Variants in CCDC33 observed in about 807,000 individuals in gnomAD.
CCDC33 encodes the protein coiled-coil domain containing 33, also known as coiled-coil domain-containing protein 33.
In CCDC33, 94 loss-of-function variants were observed where a neutral mutation model predicts 91.9. That is an observed-to-expected ratio of 1.02 (90% CI 0.87 to 1.21). The LOEUF is 1.21. CCDC33 is among the 50% of genes most tolerant of loss of function. CCDC33 has a pLI of 0.00. For missense variants in CCDC33, 940 were observed against 935.5 expected (o/e 1.00, Z -0.06); for synonymous variants, 396 against 374.5 (o/e 1.06, Z -0.66).
Position 74,244,157 on chromosome 15 carries a change from C to T in CCDC33, c.185+9C>T. The T allele has an allele frequency of 6.2e-7, 1 of 1,604,028 alleles. No individual in the cohort carries two copies. Among genetic ancestry groups the T allele is most frequent in the South Asian group, 1.1e-5 (1 of 90,230 alleles). On this transcript the variant is annotated intron_variant, in intron 2 of 18. Transcript: ENST00000398814. The surrounding 1 kb of genome is among the most constrained non-coding windows in gnomAD (Gnocchi z 4.2). ...TGGCCCTATGTGGTGGTGTAAGTAG[C>T]TGCGTGAGAGTGGGGGCAGGGGATG...
At chr15:74,282,449 G>T (rs2059388285) in intron 10 of CCDC33, among the ~76,000 whole-genome samples, 1 of 152,180 alleles carries the variant, frequency 6.6e-6, no homozygotes, top group African/African-American at 2.4e-5. Flanking sequence ...TCTTAAGCCA[G>T]CAGGCATGTC....
chr15:74,298,750 G>T (rs867892759), intron 11 of CCDC33, among the ~76,000 whole-genome samples: 21 of 112,070 alleles, frequency 1.9e-4, no homozygotes, highest in Middle Eastern at 0.01. Context: ...GTCTCACTCT[G>T]TCACCAGCCT....
In CCDC33 at chr15:74,256,393, T is replaced by C. The variant is rs964774750; in HGVS notation, c.186-6047T>C. ...CGACTTTATGTCTGGCCCACGTTCC[T>C]CCTGCCCTAAGGCTGCGTACGGGAG... On this transcript the variant is annotated intron_variant, in intron 2 of 18. Coordinates refer to ENST00000398814, the MANE Select transcript of CCDC33 (RefSeq NM_025055.5). Among the ~76,000 whole-genome samples, 17 of 149,912 alleles carry C rather than the reference T, an allele frequency of 1.1e-4. No individual in the cohort carries two copies. The East Asian group carries it at 2.2e-3, about 19-fold the overall frequency.
At chr15:74,217,452 G>T in exon 1 of CCDC33, 2 of 1,289,846 alleles carry the variant, frequency 1.6e-6, no homozygotes, top group Non-Finnish European at 2.0e-6. Context: ...TGGGGCTGGG[G>T]TGCAGTTGCA....
intron 11 of CCDC33, among the ~76,000 whole-genome samples, chr15:74,310,792 T>G (rs1596089672): frequency 1.3e-5 from 2 of 148,838 alleles, no homozygotes; most frequent in South Asian, 2.2e-4. Flanking sequence ...ATGGGGAGAG[T>G]GAGGTGTGAG....
intron 2 of CCDC33, among the ~76,000 whole-genome samples, chr15:74,261,730 A>C (rs1486213092): frequency 6.6e-6 from 1 of 152,118 alleles, no homozygotes; most frequent in Non-Finnish European, 1.5e-5. Flanking sequence ...GTGCACTGGG[A>C]TGCAGAGGGC....
chr15:74,262,280 G>C (rs571281386), intron 2 of CCDC33, among the ~76,000 whole-genome samples, 160 bp from the exon 3 acceptor site: 2 of 152,240 alleles, frequency 1.3e-5, no homozygotes, highest in South Asian at 4.1e-4. Flanking sequence ...CAGGAGAGCT[G>C]GGGGAGAGGC....
chr15:74,272,617 T>C (rs989984615), intron 6 of CCDC33, among the ~76,000 whole-genome samples, 154 bp from the exon 7 acceptor site: 3 of 152,248 alleles, frequency 2.0e-5, no homozygotes, highest in Non-Finnish European at 2.9e-5. Context: ...CCCAGCCCAG[T>C]GGTCCCCACT....
chr15:74,330,769 G>A lies in CCDC33; in HGVS notation c.1545+18G>A, dbSNP rs1401216442. Reference sequence around the variant, plus strand: ...TGATTCGAGTGAGCTGGGGCTTGTGGGGGCAGAGGGGAGGGAGCTATGGTG... The same window carrying A: ...TGATTCGAGTGAGCTGGGGCTTGTGAGGGCAGAGGGGAGGGAGCTATGGTG... On this transcript the variant is annotated intron_variant, in intron 13 of 18. Transcript: ENST00000398814. 1 of 1,606,340 alleles carries A rather than the reference G, an allele frequency of 6.2e-7. No homozygotes were observed.
In CCDC33 at chr15:74,281,820, G is replaced by T. The variant is rs769867824; in HGVS notation, c.1066G>T (p.Ala356Ser). 11 of 1,613,916 alleles carry T rather than the reference G, an allele frequency of 6.8e-6. No individual in the cohort carries two copies. The East Asian group carries it at 2.4e-4, about 36-fold the overall frequency. ...KTINDEAPTV[A>S]LSFQLLSSER... is the part of the protein sequence containing the mutation. ...TATCAATGATGAGGCCCCCACAGTG[G>T]CTCTCTCCTTCCAGCTGCTTTCCTC... The change falls in exon 10 of 19, where the codon GCT (alanine) becomes TCT (serine). Residue 356 changes from alanine (A) to serine (S), a missense_variant. Coordinates refer to ENST00000398814, the MANE Select transcript of CCDC33 (RefSeq NM_025055.5).
intron 3 of CCDC33, among the ~76,000 whole-genome samples, chr15:74,264,103 C>T (rs565154244): frequency 6.6e-6 from 1 of 151,678 alleles, no homozygotes; most frequent in Non-Finnish European, 1.5e-5. Context: ...AGTGGGGAGG[C>T]CTCATGGGCA....
chr15:74,236,528 C>CCCA lies in CCDC33; in HGVS notation c.-192_-191insCCA. Reference sequence around the variant, plus strand: ...CACCTGGCCACCCTCCCCCTCCCCCCACATCCAGGCCCCAGGGCTGGTGTG... The same window carrying CCCA: ...CACCTGGCCACCCTCCCCCTCCCCCCCCAACATCCAGGCCCCAGGGCTGGTGTG... On this transcript the variant is annotated 5_prime_UTR_variant, in exon 1 of 19. Coordinates refer to ENST00000398814, the MANE Select transcript of CCDC33 (RefSeq NM_025055.5). 2.3e-6 allele frequency: 1 copy of CCCA among 430,532 alleles called. No homozygotes were observed. Among genetic ancestry groups the CCCA allele is most frequent in the Non-Finnish European group, 4.2e-6 (1 of 236,664 alleles). 26.7% of individuals were successfully genotyped at this position (430,532 alleles called of 1,614,324 possible). A position where few individuals can be genotyped will look rare whatever the true frequency, so the allele number is the denominator to read the frequency against.
rs558694568 is a variant in CCDC33, at chr15:74,218,918, C to A, written c.675+57C>A. 1.7e-6 allele frequency: 2 copies of A among 1,192,658 alleles called. No homozygotes were observed. Among genetic ancestry groups the A allele is most frequent in the Non-Finnish European group, 2.1e-6 (2 of 942,976 alleles). 73.9% of individuals were successfully genotyped at this position (1,192,658 alleles called of 1,614,324 possible). A position where few individuals can be genotyped will look rare whatever the true frequency, so the allele number is the denominator to read the frequency against. On this transcript the variant is annotated intron_variant, in intron 2 of 2. Coordinates refer to the CCDC33 transcript ENST00000635913. This position sits in a 1 kb window ranked among gnomAD's most constrained non-coding sequence, Gnocchi z 4.8. ...TGGGCTCACCGGGTACAAGACCCAG[C>A]CTCCGTGATAAGCCAGGCTACCCCC...
At chr15:74,335,585 C>A in intron 18 of CCDC33, 1 of 347,834 alleles carries the variant, frequency 2.9e-6, no homozygotes, top group Non-Finnish European at 5.3e-6. Flanking sequence ...CCCGGGACCG[C>A]CCAGCCCCGC....
intron 10 of CCDC33, among the ~76,000 whole-genome samples, chr15:74,289,901 G>A (rs886753393): frequency 6.6e-6 from 1 of 152,238 alleles, no homozygotes; most frequent in Non-Finnish European, 1.5e-5. Flanking sequence ...AGAGATGACT[G>A]AGAAAACTGG....
chr15:74,312,203 C>A (rs1182915860), intron 11 of CCDC33, among the ~76,000 whole-genome samples: 1 of 152,204 alleles, frequency 6.6e-6, no homozygotes, highest in Non-Finnish European at 1.5e-5. Flanking sequence ...CTTTCACCCC[C>A]TTGCCCTTGC....
At chr15:74,203,855 T>C (rs2074186754) in intron 1 of CCDC33, among the ~76,000 whole-genome samples, 1 of 151,548 alleles carries the variant, frequency 6.6e-6, no homozygotes, top group South Asian at 2.1e-4. Context: ...TCCGTGGTGA[T>C]CTGAAGGGCA....
At chr15:74,230,780 C>T (rs186908750) in intron 2 of CCDC33, among the ~76,000 whole-genome samples, 84 of 152,266 alleles carry the variant, frequency 5.5e-4, no homozygotes, top group Non-Finnish European at 5.1e-4. Context: ...ATCTAATCCT[C>T]GCCACCACCC....
In CCDC33 at chr15:74,209,431, G is replaced by A. The variant is rs539628058; in HGVS notation, n.133G>A. On this transcript the variant is annotated non_coding_transcript_exon_variant, in exon 2 of 4. Transcript: ENST00000558645. ...ATTGCCAGAGGGGAACCACCAGCTC[G>A]GCTCTTAATAACCGGATCTGCATCC... 22 of 1,535,586 alleles carry A rather than the reference G, an allele frequency of 1.4e-5. No homozygotes were observed. The South Asian group carries it at 1.9e-4, about 13-fold the overall frequency.
Sources: gnomAD v4.1 joint callset for allele counts (sites outside exome capture counted in the v4.1 genomes callset) on GRCh38, gnomAD v4.1.1 for gene constraint, Gnocchi (gnomAD v3.1) non-coding constraint, MANE v1.5 for transcripts, NCBI Gene and HGNC (gene_info 2026-07-23, HGNC 2026-07-21) for gene names.